COIL: variants seen among roughly 807,000 people sequenced by gnomAD.
COIL encodes the protein coilin p80.
A neutral mutation model predicts 51.6 loss-of-function variants in COIL; 28 were observed. That is an observed-to-expected ratio of 0.54 (90% CI 0.40 to 0.74). The LOEUF (loss-of-function observed/expected upper bound fraction) is 0.74, where lower values mean the gene tolerates loss of function less well. Among genes scored for constraint, COIL ranks in the 30% least tolerant of loss-of-function variants. The pLI, the probability that COIL is intolerant of heterozygous loss-of-function variation, is 0.00. For synonymous variants in COIL, 233 were observed against 255.8 expected (o/e 0.91, Z 0.85); for missense variants, 667 against 685.9 (o/e 0.97, Z 0.31).
Position 56,950,842 on chromosome 17 carries a change from T to C in COIL, c.400A>G (p.Lys134Glu), listed in dbSNP as rs11541635. Reference sequence around the variant, plus strand: ...TTATTGTTATTGTTCTCTCGACTCTTCCAATGCTTCTTTGAATATTTGCAA... The same window carrying C: ...TTATTGTTATTGTTCTCTCGACTCTCCCAATGCTTCTTTGAATATTTGCAA... ...PDCKYSKKHW[K>E]SRENNNNNEK... The change falls in exon 2 of 7, where the codon AAG (lysine) becomes GAG (glutamate). Residue 134 changes from lysine (K) to glutamate (E), a missense_variant. Coordinates refer to ENST00000240316, the MANE Select transcript of COIL (RefSeq NM_004645.3). 1 of 1,614,084 alleles carries C rather than the reference T, an allele frequency of 6.2e-7. No individual in the cohort carries two copies. Among genetic ancestry groups the C allele is most frequent in the Non-Finnish European group, 8.5e-7 (1 of 1,180,030 alleles).
intron 5 of COIL, among the ~76,000 whole-genome samples, chr17:56,945,874 C>T (rs1010893727): frequency 6.6e-6 from 1 of 152,164 alleles, no homozygotes; most frequent in African/African-American, 2.4e-5. Context: ...TGCCATGACG[C>T]CCGGCTAATT....
intron 6 of COIL, among the ~76,000 whole-genome samples, chr17:56,940,825 G>C (rs1910130953): frequency 6.6e-6 from 1 of 152,146 alleles, no homozygotes. Flanking sequence ...AACTCTGGTA[G>C]GTCTGGCTGC....
At chr17:56,942,533 T>C (rs76564473) in intron 5 of COIL, among the ~76,000 whole-genome samples, 6 of 152,076 alleles carry the variant, frequency 3.9e-5, no homozygotes, top group Non-Finnish European at 5.9e-5. Flanking sequence ...CTTTTTTTTT[T>C]AAGACAGAGT....
intron 1 of COIL, among the ~76,000 whole-genome samples, chr17:56,953,203 A>G (rs573269029): frequency 1.3e-5 from 2 of 151,936 alleles, no homozygotes; most frequent in East Asian, 3.9e-4. Flanking sequence ...CAAGGTCAGG[A>G]GATCGAGACC....
In COIL at chr17:56,939,091, A is replaced by G. The variant is rs752053006; in HGVS notation, c.1711T>C (p.Ser571Pro). Reference sequence around the variant, plus strand: ...CATACTCAGGCAGGTTCTGTACTTGATGTGTTACTTGGAGATTCAATAATC... The same window carrying G: ...CATACTCAGGCAGGTTCTGTACTTGGTGTGTTACTTGGAGATTCAATAATC... ...RLIIESPSNT[S>P]STEPA Residue 571 changes from serine (S) to proline (P), a missense_variant, in exon 7 of 7, where the codon TCA becomes CCA. Physicochemically the swap from Ser to Pro is moderately conservative, Grantham distance 74. Transcript: ENST00000240316. 2.5e-6 allele frequency: 4 copies of G among 1,589,362 alleles called. No homozygotes were observed. The highest frequency in any genetic ancestry group is 3.5e-6 in the Non-Finnish European group (4 of 1,157,620).
chr17:56,959,988 A>C (rs1910554785), intron 1 of COIL, among the ~76,000 whole-genome samples: 3 of 152,128 alleles, frequency 2.0e-5, no homozygotes. Flanking sequence ...AGCCGGGAGG[A>C]TCACTTAACG....
At chr17:56,955,936 T>C (rs1460240369) in intron 1 of COIL, among the ~76,000 whole-genome samples, 6 of 152,212 alleles carry the variant, frequency 3.9e-5, no homozygotes, top group Non-Finnish European at 8.8e-5. Context: ...AAGCACTATG[T>C]AGCAAACAGA....
At position 56,950,211 on chromosome 17, in the gene COIL, A is replaced by G. The variant is rs1165926741; in HGVS notation, c.1031T>C (p.Val344Ala). Residue 344 changes from valine (V) to alanine (A), a missense_variant, in exon 2 of 7, where the codon GTA becomes GCA. Coordinates refer to ENST00000240316, the MANE Select transcript of COIL (RefSeq NM_004645.3). ...ACGACCTCTTCCTGCAAAAAGGCCT[A>G]CTGTCTTTAAGAAACCCGCAGCACA... ...PECAAGFLKT[V>A]GLFAGRGRPG... The G allele has an allele frequency of 1.2e-5, 20 of 1,613,960 alleles. No homozygotes were observed. The highest frequency in any genetic ancestry group is 1.7e-5 in the Admixed American group (1 of 59,980).
intron 4 of COIL, among the ~76,000 whole-genome samples, chr17:56,948,067 C>A (rs1598094634): frequency 6.6e-6 from 1 of 151,738 alleles, no homozygotes; most frequent in South Asian, 2.1e-4. Context: ...AAAACACCAA[C>A]GACCTAGAAC....
In COIL at chr17:56,960,818, G is replaced by C. The variant is rs747217849; in HGVS notation, c.202C>G (p.Pro68Ala). The C allele has an allele frequency of 6.3e-7, 1 of 1,590,920 alleles. No homozygotes were observed. Among genetic ancestry groups the C allele is most frequent in the South Asian group, 1.1e-5 (1 of 88,422 alleles). Reference sequence around the variant, plus strand: ...CTCACAAGGCGCGCGCTCTCGGCGGGGGGCAAGAGCCCCCCCTCCAGGTAG... The same window carrying C: ...CTCACAAGGCGCGCGCTCTCGGCGGCGGGCAAGAGCCCCCCCTCCAGGTAG... ...GLYLEGGLLP[P>A]AESARLVRDN... is the part of the protein sequence containing the mutation. Residue 68 changes from proline to alanine, a missense_variant, in exon 1 of 7, where the codon CCC becomes GCC. Coordinates refer to ENST00000240316, the MANE Select transcript of COIL (RefSeq NM_004645.3).
At chr17:56,942,781 G>A (rs901542047) in intron 5 of COIL, among the ~76,000 whole-genome samples, 5 of 152,162 alleles carry the variant, frequency 3.3e-5, no homozygotes, top group Non-Finnish European at 5.9e-5. Flanking sequence ...CTCCCAAAGC[G>A]CTGGGATTAC....
At chr17:56,941,603 G>C (rs1910149898) in intron 6 of COIL, among the ~76,000 whole-genome samples, 1 of 152,160 alleles carries the variant, frequency 6.6e-6, no homozygotes, top group Non-Finnish European at 1.5e-5. Flanking sequence ...TAACACTTGG[G>C]GGATAGTGGT....
intron 1 of COIL, among the ~76,000 whole-genome samples, chr17:56,953,047 G>A (rs1217137114): frequency 6.6e-6 from 1 of 152,116 alleles, no homozygotes; most frequent in Non-Finnish European, 1.5e-5. Flanking sequence ...GGAGGCTAAG[G>A]TGGTAGGGTG....
chr17:56,942,109 C>A lies in COIL; in HGVS notation c.1573G>T (p.Gly525Trp). 1 of 1,613,964 alleles carries A rather than the reference C, an allele frequency of 6.2e-7. No individual in the cohort carries two copies. Among genetic ancestry groups the A allele is most frequent in the Non-Finnish European group, 8.5e-7 (1 of 1,179,834 alleles). ...LSSLPALREP[G>W]KFDLVYHNEN... Reference sequence around the variant, plus strand: ...TTGTGATAAACTAAATCAAATTTCCCAGGTTCTCTCAAGGCTGAAACAAGA... The same window carrying A: ...TTGTGATAAACTAAATCAAATTTCCAAGGTTCTCTCAAGGCTGAAACAAGA... The change falls in exon 6 of 7, where the codon GGG becomes TGG. Residue 525 changes from glycine to tryptophan, a missense_variant. Transcript: ENST00000240316.
intron 1 of COIL, among the ~76,000 whole-genome samples, chr17:56,960,065 A>G (rs1449179231): frequency 6.6e-6 from 1 of 152,052 alleles, no homozygotes; most frequent in Non-Finnish European, 1.5e-5. Flanking sequence ...ACAAACAAAC[A>G]AACAAAAAAT....
chr17:56,949,778 G>C lies in COIL; in HGVS notation c.1354-11C>G. On this transcript the variant is annotated splice_polypyrimidine_tract_variant and intron_variant, in intron 2 of 6. Coordinates refer to ENST00000240316, the MANE Select transcript of COIL (RefSeq NM_004645.3). The stretch of plus-strand genomic sequence containing the variant: ...TGTCTCTACTGGATTCTGAAAAACA[G>C]TGTTAGTCATGTGACATCATCACTG... 6.2e-7 allele frequency: 1 copy of C among 1,613,362 alleles called. No homozygotes were observed. Among genetic ancestry groups the C allele is most frequent in the South Asian group, 1.1e-5 (1 of 91,074 alleles).
At chr17:56,960,230 A>C (rs1246727481) in intron 1 of COIL, among the ~76,000 whole-genome samples, 8 of 149,370 alleles carry the variant, frequency 5.4e-5, no homozygotes, top group African/African-American at 2.0e-4. Context: ...TCTCAAAAAT[A>C]AAAATAATAG....
chr17:56,949,889 C>T lies in COIL; in HGVS notation c.1353G>A (p.Gln451=). Residue 451 remains glutamine, a splice_region_variant and synonymous_variant, in exon 2 of 7, where the codon CAG becomes CAA. Transcript: ENST00000240316. ...DVVKNSSTII[Q]NPVETPKKDY... is the part of the protein sequence containing the mutation. ...ATAACTTACAAAAAATAATACTTAC[C>T]TGGATAATAGTAGATGAATTTTTTA... 1 of 1,612,758 alleles carries T rather than the reference C, an allele frequency of 6.2e-7. No individual in the cohort carries two copies. The highest frequency in any genetic ancestry group is 1.1e-5 in the South Asian group (1 of 90,932).
chr17:56,950,798 C>G lies in COIL; in HGVS notation c.444G>C (p.Leu148=), dbSNP rs1489976048. 5.6e-6 allele frequency: 9 copies of G among 1,613,876 alleles called. No homozygotes were observed. In the South Asian group the frequency reaches 9.9e-5, roughly 18 times the overall value. Reference sequence around the variant, plus strand: ...TCTGATCTGTGACAGCTTTTGGTTCCAGATCCAAGACCTTCTCATTATTGT... The same window carrying G: ...TCTGATCTGTGACAGCTTTTGGTTCGAGATCCAAGACCTTCTCATTATTGT... ...NNNNNEKVLD[L]EPKAVTDQTV... The change falls in exon 2 of 7, where the codon CTG becomes CTC. Residue 148 remains leucine, a synonymous_variant. Coordinates refer to ENST00000240316, the MANE Select transcript of COIL (RefSeq NM_004645.3).
Sources: gnomAD v4.1 joint callset for allele counts (sites outside exome capture counted in the v4.1 genomes callset) on GRCh38, gnomAD v4.1.1 for gene constraint, MANE v1.5 for transcripts, NCBI Gene and HGNC (gene_info 2026-07-23, HGNC 2026-07-21) for gene names.